Variants in CAST observed in about 807,000 individuals in gnomAD.
CAST encodes calpastatin.
Under a neutral mutation model 119.6 loss-of-function variants are expected in CAST, and 76 were observed. That is an observed-to-expected ratio of 0.64 (90% CI 0.53 to 0.77). The LOEUF is 0.77. Among genes scored for constraint, CAST ranks in the 30% least tolerant of loss-of-function variants. The probability of loss-of-function intolerance (pLI) is 0.00; values close to 1 mark genes in which losing one functional copy is unlikely to be tolerated. For synonymous variants in CAST, 319 were observed against 331.6 expected (o/e 0.96, Z 0.41); for missense variants, 953 against 946.5 (o/e 1.01, Z -0.09).
the CAST span, among the ~76,000 whole-genome samples, chr5:96,298,203 C>T: frequency 6.6e-6 from 1 of 152,206 alleles, no homozygotes; most frequent in African/African-American, 2.4e-5. Flanking sequence ...CTGTAAGCCA[C>T]CGTTACAAAA....
At chr5:96,299,639 T>A in the CAST span, among the ~76,000 whole-genome samples, 2 of 152,232 alleles carry the variant, frequency 1.3e-5, no homozygotes, top group African/African-American at 2.4e-5. Context: ...TCTGGGTAAA[T>A]GACCCTGATA....
At chr5:96,407,490 T>C in the CAST span, among the ~76,000 whole-genome samples, 1 of 146,308 alleles carries the variant, frequency 6.8e-6, no homozygotes, top group East Asian at 1.9e-4. Context: ...CATATATTCC[T>C]GGAGGGAATA....
At chr5:96,380,511 G>T in the CAST span, among the ~76,000 whole-genome samples, 7 of 152,014 alleles carry the variant, frequency 4.6e-5, no homozygotes, top group East Asian at 1.4e-3. Context: ...ACTTGAAAAA[G>T]AAAAAGACTT....
At chr5:96,075,674 G>A in the CAST span, among the ~76,000 whole-genome samples, 11 of 152,254 alleles carry the variant, frequency 7.2e-5, no homozygotes, top group African/African-American at 2.6e-4. Context: ...TTGAGCAAAA[G>A]GGGAAGATTT....
the CAST span, among the ~76,000 whole-genome samples, chr5:96,238,159 C>T: frequency 5.3e-5 from 8 of 151,978 alleles, no homozygotes; most frequent in Non-Finnish European, 8.8e-5. Context: ...ACCTTTGAGA[C>T]ATTCTTTTAG....
At chr5:96,347,956 CAATAGTT>C in the CAST span, among the ~76,000 whole-genome samples, 2 of 152,082 alleles carry the variant, frequency 1.3e-5, no homozygotes, top group African/African-American at 4.8e-5. Context: ...CCCCAAACCC[CAATAGTT>C]AATGATTAAT....
the CAST span, among the ~76,000 whole-genome samples, chr5:96,334,488 C>A: frequency 6.6e-6 from 1 of 152,178 alleles, no homozygotes; most frequent in Non-Finnish European, 1.5e-5. Context: ...GAGGTTCTGC[C>A]ATCTTCAGGG....
chr5:96,235,211 A>G, the CAST span, among the ~76,000 whole-genome samples: 5,792 of 152,264 alleles, frequency 0.038, 385 homozygotes, highest in African/African-American at 0.13. Flanking sequence ...TTTCTAGTCT[A>G]AGTCTGCCTT....
At chr5:96,164,334 G>T in the CAST span, among the ~76,000 whole-genome samples, 1 of 152,220 alleles carries the variant, frequency 6.6e-6, no homozygotes, top group African/African-American at 2.4e-5. Flanking sequence ...ACACAAAGTA[G>T]AAAGTGTCAA....
chr5:96,356,796 G>T, the CAST span, among the ~76,000 whole-genome samples: 1 of 152,136 alleles, frequency 6.6e-6, no homozygotes. Context: ...TTTTGCTTAG[G>T]ATTGTCTTGG....
At chr5:96,492,634 G>A in the CAST span, among the ~76,000 whole-genome samples, 12 of 152,126 alleles carry the variant, frequency 7.9e-5, 1 homozygote, top group African/African-American at 2.7e-4. Context: ...AAATATGATC[G>A]GGATTTCCTC....
intron 3 of CAST, among the ~76,000 whole-genome samples, chr5:96,717,065 C>G (rs1397047173): frequency 2.0e-5 from 3 of 152,170 alleles, no homozygotes; most frequent in Non-Finnish European, 2.9e-5. Flanking sequence ...GACTAACTGA[C>G]AGCTAGAAAA....
chr5:96,027,995 A>C, the CAST span, among the ~76,000 whole-genome samples: 7 of 152,276 alleles, frequency 4.6e-5, no homozygotes, highest in African/African-American at 1.4e-4. Context: ...TCCTTCTGAG[A>C]ATGTGAGAAT....
the CAST span, among the ~76,000 whole-genome samples, chr5:96,035,953 C>T: frequency 6.6e-6 from 1 of 151,920 alleles, no homozygotes; most frequent in African/African-American, 2.4e-5. Context: ...CTCTCTTTGC[C>T]TACTCTGCAT....
chr5:96,117,216 C>A, the CAST span, among the ~76,000 whole-genome samples: 1 of 152,020 alleles, frequency 6.6e-6, no homozygotes, highest in Non-Finnish European at 1.5e-5. Context: ...GAAATTTTTG[C>A]CTAACCCAAT....
the CAST span, among the ~76,000 whole-genome samples, chr5:96,445,580 T>A: frequency 4.6e-5 from 7 of 152,290 alleles, no homozygotes; most frequent in East Asian, 1.4e-3. Context: ...TCATAGATTT[T>A]AAAAAATCTT....
intron 1 of CAST, among the ~76,000 whole-genome samples, chr5:96,578,303 A>G (rs1346060165): frequency 6.6e-6 from 1 of 150,876 alleles, no homozygotes; most frequent in Non-Finnish European, 1.5e-5. Flanking sequence ...TATTTTCAAC[A>G]TACCTATGTC....
At chr5:96,467,675 A>G in the CAST span, among the ~76,000 whole-genome samples, 1 of 151,984 alleles carries the variant, frequency 6.6e-6, no homozygotes, top group South Asian at 2.1e-4. Context: ...TTTTTAAAAA[A>G]TCTGTGTGCC....
chr5:96,556,539 A>G (rs58895776), intron 1 of CAST, among the ~76,000 whole-genome samples: 118 of 152,352 alleles, frequency 7.7e-4, no homozygotes, highest in African/African-American at 2.8e-3. Flanking sequence ...TGAAAACCAC[A>G]GCACGAGAAC....
Sources: gnomAD v4.1 joint callset for allele counts (sites outside exome capture counted in the v4.1 genomes callset) on GRCh38, gnomAD v4.1.1 for gene constraint, MANE v1.5 for transcripts, NCBI Gene and HGNC (gene_info 2026-07-23, HGNC 2026-07-21) for gene names.